The following RBPMS variants were observed in gnomAD, a reference collection of about 807,000 sequenced individuals.
RBPMS encodes the protein RNA-binding protein with multiple splicing.
RBPMS carries 7 observed loss-of-function variants against 26.8 expected under a neutral mutation model. That is an observed-to-expected ratio of 0.26 (90% CI 0.15 to 0.49). The LOEUF (loss-of-function observed/expected upper bound fraction) is 0.49, where lower values mean the gene tolerates loss of function less well. Among genes scored for constraint, RBPMS ranks in the 20% least tolerant of loss-of-function variants. The pLI is 0.98. For synonymous variants in RBPMS, 96 were observed against 93.3 expected, an observed-to-expected ratio of 1.03 and a Z score of -0.17; for missense variants, 186 against 250.0, an observed-to-expected ratio of 0.74 and a Z score of 1.73.
chr8:30,443,130 C>A (rs1585478820), intron 1 of RBPMS, among the ~76,000 whole-genome samples: 1 of 152,180 alleles, frequency 6.6e-6, no homozygotes, highest in Admixed American at 6.5e-5. Flanking sequence ...TCAAGCCCTG[C>A]AGCTTCTCCA....
chr8:30,392,674 G>GAGAT (rs1807921079), intron 1 of RBPMS, among the ~76,000 whole-genome samples: 1 of 152,254 alleles, frequency 6.6e-6, no homozygotes, highest in East Asian at 1.9e-4. Context: ...AACTGAGGCA[G>GAGAT]AGATGCCAGG....
intron 1 of RBPMS, chr8:30,453,783 G>T (rs1158424578): frequency 6.6e-6 from 1 of 152,102 alleles, no homozygotes; most frequent in Non-Finnish European, 1.5e-5. Flanking sequence ...GCTTTCAAGG[G>T]CCACAATCTC....
At chr8:30,444,262 G>A (rs150180042) in intron 1 of RBPMS, among the ~76,000 whole-genome samples, 10 of 152,272 alleles carry the variant, frequency 6.6e-5, no homozygotes, top group Admixed American at 5.2e-4. Flanking sequence ...AATGTCTAAG[G>A]TAGCACATAG....
chr8:30,440,893 A>G (rs1231917102), intron 1 of RBPMS, among the ~76,000 whole-genome samples: 1 of 151,828 alleles, frequency 6.6e-6, no homozygotes. Flanking sequence ...TCTTGGGCTC[A>G]AGGGATCCTC....
intron 1 of RBPMS, among the ~76,000 whole-genome samples, chr8:30,456,697 G>A (rs980432813): frequency 6.6e-6 from 1 of 152,154 alleles, no homozygotes; most frequent in Non-Finnish European, 1.5e-5. Flanking sequence ...CACGTGTGGT[G>A]TATCATGAGG....
rs1038695944 is a variant in RBPMS at position 30,503,599 on chromosome 8, C to T, written c.247-687C>T. ...TCAAGCTCATTAGGAAGAATGGTGG[C>T]GAGGGGGCGGGGGATGCTTTGGAGC... is the stretch of plus-strand genomic sequence containing the variant. On this transcript the variant is annotated intron_variant, in intron 4 of 8. Transcript: ENST00000397323. Among the ~76,000 whole-genome samples the T allele has an allele frequency of 4.8e-4, 73 of 151,558 alleles. 1 individual carries two copies.
At chr8:30,476,162 T>G (rs1241889503) in intron 2 of RBPMS, among the ~76,000 whole-genome samples, 1 of 151,760 alleles carries the variant, frequency 6.6e-6, no homozygotes, top group Non-Finnish European at 1.5e-5. Context: ...GTCACAATCC[T>G]TTCAAGTGGG....
At chr8:30,446,832 TGTGTGTGTGTGCGCGCGCGCGC>T (rs1214880414) in intron 1 of RBPMS, 3 of 100,364 alleles carry the variant, frequency 3.0e-5, no homozygotes, top group Admixed American at 1.1e-4. Context: ...TGTGTGTGTG[TGTGTGTGTGTGCGCGCGCGCGC>T]GCGCGGTGGA....
At chr8:30,446,794 CTTGT>C (rs1428780073) in intron 1 of RBPMS, 5 of 117,370 alleles carry the variant, frequency 4.3e-5, no homozygotes, top group South Asian at 3.4e-4. Context: ...CCACACATGG[CTTGT>C]GTGTGTGTGT....
At chr8:30,447,264 T>C (rs1813976773) in intron 1 of RBPMS, among the ~76,000 whole-genome samples, 1 of 152,128 alleles carries the variant, frequency 6.6e-6, no homozygotes, top group Admixed American at 6.5e-5. Flanking sequence ...ATTCGAAAAC[T>C]GAACACTTCT....
Position 30,504,342 on chromosome 8 carries a change from A to G in RBPMS, c.303A>G (p.Ala101=), listed in dbSNP as rs1332619570. 6.2e-7 allele frequency: 1 copy of G among 1,614,226 alleles called. No individual in the cohort carries two copies. Residue 101 remains alanine, a synonymous_variant, in exon 5 of 9, where the codon GCA becomes GCG. Coordinates refer to ENST00000397323, the MANE Select transcript of RBPMS (RefSeq NM_001008710.3). ...PQTLRLEFAK[A]NTKMAKNKLV... ...CACTACGACTAGAGTTTGCTAAGGCAAACACGAAGATGGCCAAGAACAAAC... is the reference window on the plus strand; with the variant it reads ...CACTACGACTAGAGTTTGCTAAGGCGAACACGAAGATGGCCAAGAACAAAC...
chr8:30,457,321 C>T (rs975936130), intron 1 of RBPMS, among the ~76,000 whole-genome samples: 2 of 152,050 alleles, frequency 1.3e-5, no homozygotes, highest in East Asian at 3.8e-4. Flanking sequence ...AATCTGTATT[C>T]TCATTCACAG....
intron 1 of RBPMS, among the ~76,000 whole-genome samples, chr8:30,428,020 CTT>C (rs58756060): frequency 7.7e-5 from 8 of 103,938 alleles, no homozygotes; most frequent in Admixed American, 1.1e-4. Context: ...GAGACCCCAT[CTT>C]TTTTTTTTTT....
intron 1 of RBPMS, among the ~76,000 whole-genome samples, chr8:30,436,546 C>T (rs990711410): frequency 3.3e-5 from 5 of 152,158 alleles, no homozygotes; most frequent in African/African-American, 4.8e-5. Flanking sequence ...CCCTGTCAGT[C>T]GTCAGTTGGA....
intron 1 of RBPMS, among the ~76,000 whole-genome samples, chr8:30,446,129 G>C (rs1447328200): frequency 6.6e-6 from 1 of 152,126 alleles, no homozygotes; most frequent in Non-Finnish European, 1.5e-5. Flanking sequence ...TATCTCTTTT[G>C]CAACTTCATG....
intron 5 of RBPMS, among the ~76,000 whole-genome samples, chr8:30,519,923 TGTAA>T (rs528526707): frequency 7.3e-4 from 111 of 152,318 alleles, no homozygotes; most frequent in African/African-American, 2.5e-3. Flanking sequence ...CTCTATTTAC[TGTAA>T]ATATAAAAGC....
intron 1 of RBPMS, among the ~76,000 whole-genome samples, chr8:30,439,954 ATTAC>A (rs914083966): frequency 6.6e-5 from 10 of 152,074 alleles, no homozygotes; most frequent in African/African-American, 2.4e-4. Flanking sequence ...CTGAGGCGGG[ATTAC>A]TTGAGGCCAG....
At chr8:30,474,899 G>GT (rs1817528244) in intron 2 of RBPMS, 43 bp downstream of exon 2, 2 of 1,266,810 alleles carry the variant, frequency 1.6e-6, no homozygotes, top group African/African-American at 3.0e-5. Context: ...TGAGACAAAA[G>GT]TCTGTATGCT....
intron 1 of RBPMS, among the ~76,000 whole-genome samples, chr8:30,411,173 G>A (rs539441583): frequency 6.6e-6 from 1 of 152,278 alleles, no homozygotes; most frequent in African/African-American, 2.4e-5. Flanking sequence ...TCCCTTTGGC[G>A]AATAGAAACA....
Sources: allele counts gnomAD v4.1 joint callset (sites outside exome capture counted in the v4.1 genomes callset), GRCh38; gene constraint gnomAD v4.1.1; transcripts MANE v1.5; gene names NCBI Gene and HGNC (gene_info 2026-07-23, HGNC 2026-07-21).